Variants in GART observed in about 807,000 individuals in gnomAD.
GART encodes trifunctional purine biosynthetic protein adenosine-3.
A neutral mutation model predicts 107.2 loss-of-function variants in GART; 43 were observed. The observed-to-expected ratio is 0.40, with a 90% CI of 0.31 to 0.52. The LOEUF (loss-of-function observed/expected upper bound fraction) is 0.52. GART is among the 20% of genes least tolerant of loss of function. The pLI is 0.52. For synonymous variants in GART, 434 were observed against 427.0 expected, an observed-to-expected ratio of 1.02 and a Z score of -0.20; for missense variants, 1,107 against 1,206.5, an observed-to-expected ratio of 0.92 and a Z score of 1.22.
chr21:33,504,720 G>T (rs184250137), intron 20 of GART, among the ~76,000 whole-genome samples, 193 bp from the exon 21 acceptor site: 2 of 152,136 alleles, frequency 1.3e-5, no homozygotes, highest in South Asian at 4.1e-4. Context: ...GCAAGTACCC[G>T]CCTTGCACAG....
rs199659641 is a variant in GART, at chr21:33,511,213, C to A, written c.2314+39G>T. 12 of 1,608,938 alleles carry A rather than the reference C, an allele frequency of 7.5e-6. No homozygotes were observed. In the Admixed American group the frequency reaches 1.5e-4, roughly 20 times the overall value. On this transcript the variant is annotated intron_variant, in intron 17 of 21. Transcript: ENST00000381815. The stretch of plus-strand genomic sequence containing the variant: ...CTGAGGTATAGCTAAAATTATACAG[C>A]TAAAATTATATATCTAAAAATGAGT...
At chr21:33,512,461 T>C (rs939659611) in intron 16 of GART, among the ~76,000 whole-genome samples, 1 of 152,096 alleles carries the variant, frequency 6.6e-6, no homozygotes, top group Non-Finnish European at 1.5e-5. Context: ...TCTGATTTTT[T>C]AAAAAAACTA....
intron 6 of GART, 63 bp downstream of exon 6, chr21:33,531,426 G>C (rs1184124445): frequency 1.5e-5 from 21 of 1,401,484 alleles, no homozygotes; most frequent in Admixed American, 1.9e-5. Flanking sequence ...TCTTTTCTGG[G>C]GTACACAGGT....
chr21:33,531,146 C>G, intron 6 of GART: 1 of 387,198 alleles, frequency 2.6e-6, no homozygotes, highest in Non-Finnish European at 4.5e-6. Flanking sequence ...TTCAACCTTT[C>G]CCCCACTTTA....
At position 33,504,615 on chromosome 21, in the gene GART, T is replaced by G. The variant is rs2084648080; in HGVS notation, c.2726-88A>C. On this transcript the variant is annotated intron_variant, in intron 20 of 21. Coordinates refer to ENST00000381815, the MANE Select transcript of GART (RefSeq NM_000819.5). ...TACGTTTTCCTATCTAGATCCGAAG[T>G]CAAACAGGAGTTGGATTTCTGGGAT... 6.6e-6 allele frequency: 6 copies of G among 910,284 alleles called. No homozygotes were observed. In the South Asian group the frequency reaches 9.4e-5, roughly 14 times the overall value. The allele number at this position is 910,284 out of a possible 1,614,324, so 56.4% of individuals were successfully genotyped here. A position where few individuals can be genotyped will look rare whatever the true frequency, so the allele number is the denominator to read the frequency against.
At chr21:33,528,700 TAATC>T in intron 8 of GART, 96 bp from the exon 9 acceptor site, 4 of 986,152 alleles carry the variant, frequency 4.1e-6, no homozygotes, top group Non-Finnish European at 5.7e-6. Context: ...AAACTTCTAA[TAATC>T]AAAGTTTTGG....
At chr21:33,513,915 T>C (rs895328320) in intron 16 of GART, among the ~76,000 whole-genome samples, 7 of 152,036 alleles carry the variant, frequency 4.6e-5, no homozygotes, top group African/African-American at 1.7e-4. Context: ...AGACTAAGAG[T>C]CTAGCTTCTA....
chr21:33,505,867 A>T, intron 19 of GART, 107 bp downstream of exon 19: 1 of 1,497,728 alleles, frequency 6.7e-7, no homozygotes, highest in African/African-American at 1.4e-5. Context: ...GCACCCACCC[A>T]AAATGGCGAA....
intron 2 of GART, among the ~76,000 whole-genome samples, chr21:33,535,943 G>A (rs756587009): frequency 3.9e-5 from 6 of 152,054 alleles, no homozygotes; most frequent in Admixed American, 2.0e-4. Flanking sequence ...CAGGAGAATC[G>A]CTTGAACTGG....
chr21:33,504,605 A>T (rs577849535), intron 20 of GART, 78 bp from the exon 21 acceptor site: 1 of 1,005,978 alleles, frequency 9.9e-7, no homozygotes, highest in African/African-American at 1.6e-5. Flanking sequence ...TTTCCTATCT[A>T]GATCCGAAGT....
intron 10 of GART, 75 bp from the exon 11 acceptor site, chr21:33,525,075 C>A: frequency 6.8e-7 from 1 of 1,479,588 alleles, no homozygotes. Context: ...TTACGATTTC[C>A]ACAAGTTTCT....
At chr21:33,542,781 G>A (rs984440817), upstream of GART, 4 of 434,730 alleles carry the variant, frequency 9.2e-6, no homozygotes, top group Non-Finnish European at 1.7e-5. Context: ...GCTGGGGACT[G>A]ACAACTTATG....
intron 20 of GART, among the ~76,000 whole-genome samples, chr21:33,504,745 G>A (rs1199784700): frequency 6.6e-6 from 1 of 152,134 alleles, no homozygotes; most frequent in African/African-American, 2.4e-5. Flanking sequence ...AGGCATGCTG[G>A]GGTGCTCTGA....
At chr21:33,508,848 A>G (rs1018579827) in intron 18 of GART, among the ~76,000 whole-genome samples, 1 of 151,910 alleles carries the variant, frequency 6.6e-6, no homozygotes. Flanking sequence ...ACATGTACCC[A>G]CTGTTTAGCT....
At chr21:33,509,155 C>T (rs933407698) in intron 18 of GART, 1 of 152,130 alleles carries the variant, frequency 6.6e-6, no homozygotes, top group East Asian at 1.9e-4. Context: ...GCTAATAAGG[C>T]GGAAGGATTG....
At chr21:33,507,325 T>G (rs1216614692) in intron 18 of GART, among the ~76,000 whole-genome samples, 1 of 152,192 alleles carries the variant, frequency 6.6e-6, no homozygotes, top group Non-Finnish European at 1.5e-5. Context: ...TGTTCTCACT[T>G]ATTTGTGGGA....
At chr21:33,515,652 CAAAAAAAAAAAAA>C (rs71194850) in intron 16 of GART, among the ~76,000 whole-genome samples, 4 of 35,878 alleles carry the variant, frequency 1.1e-4, no homozygotes, top group African/African-American at 5.2e-4. Flanking sequence ...GACTCCAACT[CAAAAAAAAAAAAA>C]AAAAAAAAAA....
At chr21:33,531,453 A>G in intron 6 of GART, 36 bp downstream of exon 6, 1 of 1,582,424 alleles carries the variant, frequency 6.3e-7, no homozygotes, top group Non-Finnish European at 8.6e-7. Flanking sequence ...ACAGCTTCTT[A>G]TACACTACAA....
chr21:33,512,932 T>C (rs990990011), intron 16 of GART, among the ~76,000 whole-genome samples: 2 of 151,884 alleles, frequency 1.3e-5, no homozygotes, highest in East Asian at 1.9e-4. Context: ...TTTTTTTTTT[T>C]TGAGACAGAG....
Sources: allele counts gnomAD v4.1 joint callset (sites outside exome capture counted in the v4.1 genomes callset), GRCh38; gene constraint gnomAD v4.1.1; transcripts MANE v1.5; gene names NCBI Gene and HGNC (gene_info 2026-07-23, HGNC 2026-07-21).